Variants in PLXNA2 observed in about 807,000 individuals in gnomAD.
The protein encoded by PLXNA2 is plexin-A2.
A neutral mutation model predicts 193.5 loss-of-function variants in PLXNA2; 91 were observed. The ratio of observed to expected loss-of-function variants is 0.47; its 90% CI spans 0.40 to 0.56. The LOEUF is 0.56. PLXNA2 is among the 20% of genes least tolerant of loss of function. The pLI is 0.00. For missense variants in PLXNA2, 1,995 were observed against 2,503.2 expected, an observed-to-expected ratio of 0.80 and a Z score of 4.33; for synonymous variants, 997 against 1,027.3, an observed-to-expected ratio of 0.97 and a Z score of 0.56.
intron 6 of PLXNA2, among the ~76,000 whole-genome samples, chr1:208,098,239 T>C (rs1298409214): frequency 6.6e-6 from 1 of 152,192 alleles, no homozygotes; most frequent in Non-Finnish European, 1.5e-5. Flanking sequence ...TCTTGGAAGG[T>C]TCATTAACTA....
chr1:208,164,658 ACT>A (rs1455653883), intron 3 of PLXNA2, among the ~76,000 whole-genome samples: 1 of 152,096 alleles, frequency 6.6e-6, no homozygotes. Flanking sequence ...GAGAAAACAA[ACT>A]CTGTTTTAGA....
chr1:208,221,367 T>A (rs1671327278), intron 1 of PLXNA2, among the ~76,000 whole-genome samples: 1 of 148,780 alleles, frequency 6.7e-6, no homozygotes, highest in Non-Finnish European at 1.5e-5. Context: ...GGTCAGGAGC[T>A]TTTTTCTTTT....
chr1:208,103,084 T>C, intron 5 of PLXNA2, 63 bp downstream of exon 5: 1 of 1,077,330 alleles, frequency 9.3e-7, no homozygotes, highest in Non-Finnish European at 1.4e-6. Flanking sequence ...TCATATCCCA[T>C]CATTCCCGGA....
At chr1:208,033,029 T>TCC (rs1664550965) in intron 28 of PLXNA2, among the ~76,000 whole-genome samples, 1 of 148,568 alleles carries the variant, frequency 6.7e-6, no homozygotes, top group African/African-American at 2.5e-5. Context: ...TATCTCTCTC[T>TCC]CTCTCTTTTT....
intron 8 of PLXNA2, 35 bp downstream of exon 8, chr1:208,095,994 G>T: frequency 6.6e-7 from 1 of 1,521,052 alleles, no homozygotes; most frequent in Non-Finnish European, 9.1e-7. Flanking sequence ...CCCACATCCA[G>T]ACCCAGAGCA....
rs145943288 is a variant in PLXNA2, at chr1:208,054,423, C to A, written c.2854G>T (p.Val952Leu). 1.9e-6 allele frequency: 3 copies of A among 1,608,078 alleles called. No homozygotes were observed. The African/African-American group carries it at 4.0e-5, about 21-fold the overall frequency. Reference protein sequence around the residue: ...MTKSHQQYTFVNPSVLSLNPI... With the variant: ...MTKSHQQYTFLNPSVLSLNPI... ...CTGGCCCTGGACCCAGTACTCACCA[C>A]GAAGGTGTACTGCTGATGGGACTTC... The change falls in exon 14 of 32, where the codon GTG (valine) becomes TTG (leucine). Residue 952 changes from valine to leucine, a missense_variant and splice_region_variant. Around this residue, in one of 3 missense-constraint regions of PLXNA2, gnomAD observed 1,291 missense variants for 1,673.6 expected, o/e 0.77. Coordinates refer to ENST00000367033, the MANE Select transcript of PLXNA2 (RefSeq NM_025179.4).
chr1:208,047,869 T>G (rs1333280506), intron 17 of PLXNA2, among the ~76,000 whole-genome samples: 2 of 152,260 alleles, frequency 1.3e-5, no homozygotes, highest in Non-Finnish European at 2.9e-5. Context: ...GCGGCCTTTA[T>G]GCTGTAGTGG....
rs118076347 is a variant in PLXNA2 at position 208,039,024 on chromosome 1, A to G, written c.4501-40T>C. 9.9e-4 allele frequency: 1,576 copies of G among 1,591,134 alleles called. 32 individuals carry two copies. The East Asian group carries it at 0.032, about 32-fold the overall frequency. On this transcript the variant is annotated intron_variant, in intron 24 of 31. Coordinates refer to ENST00000367033, the MANE Select transcript of PLXNA2 (RefSeq NM_025179.4). ...CAGAGGGTGAGCAGGACAGGAGTTG[A>G]AGGAGTAGTTTGAGGGAGAGGGTCA...
At chr1:208,153,548 C>T (rs559715746) in intron 3 of PLXNA2, among the ~76,000 whole-genome samples, 1 of 152,304 alleles carries the variant, frequency 6.6e-6, no homozygotes, top group East Asian at 1.9e-4. Flanking sequence ...TTCTGGCTCC[C>T]CAGTGGGCTG....
chr1:208,044,929 T>A lies in PLXNA2; in HGVS notation c.3639+138A>T, dbSNP rs1665005349. ...TCTTGTGTTCTCAGCTTATACCCAA[T>A]TTGATGTAGGACCCAGAGATGAGGA... On this transcript the variant is annotated intron_variant, in intron 19 of 31. Coordinates refer to ENST00000367033, the MANE Select transcript of PLXNA2 (RefSeq NM_025179.4). This position sits in a 1 kb window ranked among gnomAD's most constrained non-coding sequence, Gnocchi z 4.9. The A allele has an allele frequency of 8.6e-6, 10 of 1,159,480 alleles. No individual in the cohort carries two copies. Among genetic ancestry groups the A allele is most frequent in the Non-Finnish European group, 1.1e-5 (9 of 796,628 alleles). 71.8% of individuals were successfully genotyped at this position (1,159,480 alleles called of 1,614,324 possible).
chr1:208,195,011 G>A (rs1670314220), intron 3 of PLXNA2, among the ~76,000 whole-genome samples: 1 of 152,176 alleles, frequency 6.6e-6, no homozygotes, highest in Admixed American at 6.5e-5. Context: ...TAGTGGTGAT[G>A]GATTGGTAAG....
At position 208,038,911 on chromosome 1, in the gene PLXNA2, A is replaced by G. The variant is rs774557845; in HGVS notation, c.4574T>C (p.Ile1525Thr). The G allele has an allele frequency of 1.1e-5, 17 of 1,614,056 alleles. No homozygotes were observed. In the South Asian group the frequency reaches 1.8e-4, roughly 17 times the overall value. Residue 1525 changes from isoleucine (I) to threonine (T), a missense_variant, in exon 25 of 32, where the codon ATC (isoleucine) becomes ACC (threonine). By Grantham distance (89) the Ile-to-Thr change is moderately conservative. Around this residue, in one of 3 missense-constraint regions of PLXNA2, gnomAD observed 1,291 missense variants for 1,673.6 expected, o/e 0.77. Coordinates refer to ENST00000367033, the MANE Select transcript of PLXNA2 (RefSeq NM_025179.4). The surrounding 1 kb of genome is among the most constrained non-coding windows in gnomAD (Gnocchi z 4.1). ...AAGAATCTTCTCCTTGACCTGTGTG[A>G]TGGTGTCACAGTTTAACACCTTCAC... is the stretch of plus-strand genomic sequence containing the variant. Reference protein sequence around the residue: ...IPVKVLNCDTITQVKEKILDA... With the variant: ...IPVKVLNCDTTTQVKEKILDA...
At chr1:208,230,206 CG>C (rs1380038052) in intron 1 of PLXNA2, 2 of 152,152 alleles carry the variant, frequency 1.3e-5, no homozygotes, top group African/African-American at 4.8e-5. Flanking sequence ...TGACAAACTC[CG>C]AGGGTTCTGT....
chr1:208,228,363 G>C (rs968492604), intron 1 of PLXNA2, among the ~76,000 whole-genome samples: 53 of 152,240 alleles, frequency 3.5e-4, no homozygotes, highest in Admixed American at 1.3e-4. Flanking sequence ...AAGTTCAAAG[G>C]GCGGGGCTCT....
Position 208,058,068 on chromosome 1 carries a change from C to T in PLXNA2, c.2738+2618G>A, listed in dbSNP as rs535301364. Among the ~76,000 whole-genome samples the T allele has an allele frequency of 2.8e-3, 420 of 152,364 alleles. 1 individual carries two copies. Among genetic ancestry groups the T allele is most frequent in the Admixed American group, 4.6e-3 (70 of 15,312 alleles). On this transcript the variant is annotated intron_variant, in intron 13 of 31. Coordinates refer to ENST00000367033, the MANE Select transcript of PLXNA2 (RefSeq NM_025179.4). ...AACCCAGTACCCTTGCCCCACACTA[C>T]ACCACCTCCCATAGACTTGCATAGA... is the stretch of plus-strand genomic sequence containing the variant.
chr1:208,058,752 C>T (rs1665522367), intron 13 of PLXNA2, among the ~76,000 whole-genome samples: 1 of 152,220 alleles, frequency 6.6e-6, no homozygotes, highest in South Asian at 2.1e-4. Flanking sequence ...CGTGCAGCTT[C>T]TCTCGACACT....
At chr1:208,203,374 T>C (rs1473160431) in intron 3 of PLXNA2, among the ~76,000 whole-genome samples, 1 of 152,182 alleles carries the variant, frequency 6.6e-6, no homozygotes, top group Non-Finnish European at 1.5e-5. Flanking sequence ...CCAGCATTGC[T>C]GAGACGCCTG....
intron 12 of PLXNA2, among the ~76,000 whole-genome samples, chr1:208,075,361 C>A (rs1254154442): frequency 5.9e-5 from 9 of 151,856 alleles, no homozygotes; most frequent in Admixed American, 5.9e-4. Context: ...TTGCTTTTAG[C>A]AAATTACATA....
intron 3 of PLXNA2, among the ~76,000 whole-genome samples, chr1:208,203,115 T>C (rs755062534): frequency 9.9e-5 from 15 of 152,150 alleles, no homozygotes; most frequent in Non-Finnish European, 1.8e-4. Flanking sequence ...GAGTGGGACA[T>C]TCTGTAAATA....
Sources: gnomAD v4.1 joint callset for allele counts (sites outside exome capture counted in the v4.1 genomes callset) on GRCh38, gnomAD v4.1.1 for gene constraint, gnomAD v4.1.1 regional missense constraint, Gnocchi (gnomAD v3.1) non-coding constraint, MANE v1.5 for transcripts, NCBI Gene and HGNC (gene_info 2026-07-23, HGNC 2026-07-21) for gene names.